RANBP2: variants seen among roughly 807,000 people sequenced by gnomAD.
RANBP2 encodes the protein RAN binding protein 2, also known as E3 SUMO-protein ligase RanBP2.
In RANBP2, 57 loss-of-function variants were observed where a neutral mutation model predicts 303.6. The ratio of observed to expected loss-of-function variants is 0.19; its 90% CI spans 0.15 to 0.23. The LOEUF (loss-of-function observed/expected upper bound fraction) is 0.23. Ranked by LOEUF, RANBP2 falls within the 10% of genes least tolerant of loss-of-function variation. The probability of loss-of-function intolerance (pLI) is 1.00; values close to 1 mark genes in which losing one functional copy is unlikely to be tolerated. For missense variants in RANBP2, 3,138 were observed against 3,780.8 expected (o/e 0.83, Z 4.46); for synonymous variants, 1,167 against 1,301.5 (o/e 0.90, Z 2.23).
At chr2:108,788,826 T>A (rs1349758076), downstream of RANBP2, 1 of 1,613,832 alleles carries the variant, frequency 6.2e-7, no homozygotes, top group Non-Finnish European at 8.5e-7. Flanking sequence ...TGTGGTAATC[T>A]TTCATGGTTT....
chr2:109,047,634 C>T, the RANBP2 span, among the ~76,000 whole-genome samples: 1 of 152,182 alleles, frequency 6.6e-6, no homozygotes, highest in Non-Finnish European at 1.5e-5. Flanking sequence ...CATGGTGAAA[C>T]CCCATCTCTA....
chr2:109,314,405 G>A, the RANBP2 span, among the ~76,000 whole-genome samples: 2 of 152,210 alleles, frequency 1.3e-5, no homozygotes, highest in Admixed American at 1.3e-4. Flanking sequence ...TTGTAACCCT[G>A]CCTTGGTATA....
chr2:108,725,684 T>A (rs1694641721), intron 1 of RANBP2, among the ~76,000 whole-genome samples: 1 of 151,686 alleles, frequency 6.6e-6, no homozygotes, highest in Admixed American at 6.6e-5. Flanking sequence ...TGAGCTGAGA[T>A]CGAGCCACTG....
At chr2:109,010,851 A>T in the RANBP2 span, among the ~76,000 whole-genome samples, 2 of 152,204 alleles carry the variant, frequency 1.3e-5, no homozygotes, top group Non-Finnish European at 2.9e-5. Flanking sequence ...GAATCTATGG[A>T]GGAGGCTCAG....
the RANBP2 span, among the ~76,000 whole-genome samples, chr2:109,154,804 C>T: frequency 6.6e-6 from 1 of 152,164 alleles, no homozygotes; most frequent in South Asian, 2.1e-4. Flanking sequence ...GTGACACCAA[C>T]CTGCTGCATA....
chr2:108,985,806 T>C, the RANBP2 span, among the ~76,000 whole-genome samples: 6 of 152,360 alleles, frequency 3.9e-5, no homozygotes, highest in South Asian at 1.2e-3. Flanking sequence ...CCCTTGTCCC[T>C]AACTGTGTCA....
the RANBP2 span, among the ~76,000 whole-genome samples, chr2:109,379,828 A>AC: frequency 1.3e-5 from 2 of 152,020 alleles, no homozygotes; most frequent in African/African-American, 4.8e-5. Context: ...AGAAGCGAGG[A>AC]CCAGAAGGCA....
intron 22 of RANBP2, 136 bp from the exon 23 acceptor site, chr2:108,772,732 C>A (rs1430218613): frequency 9.9e-6 from 12 of 1,209,940 alleles, no homozygotes; most frequent in Middle Eastern, 2.7e-4. Flanking sequence ...ATATTCTTTT[C>A]TGGGTGGTCC....
the RANBP2 span, among the ~76,000 whole-genome samples, chr2:109,138,131 T>G: frequency 6.6e-6 from 1 of 152,228 alleles, no homozygotes; most frequent in African/African-American, 2.4e-5. Flanking sequence ...TTCTTCTGCC[T>G]CAGCCTCCCA....
At chr2:109,467,841 A>G in the RANBP2 span, among the ~76,000 whole-genome samples, 1 of 152,184 alleles carries the variant, frequency 6.6e-6, no homozygotes, top group Non-Finnish European at 1.5e-5. Flanking sequence ...GAACAGAGCC[A>G]GGCTGAGCAC....
At chr2:109,604,654 G>A in the RANBP2 span, among the ~76,000 whole-genome samples, 1 of 151,208 alleles carries the variant, frequency 6.6e-6, no homozygotes, top group Non-Finnish European at 1.5e-5. Context: ...ATGAACCGGG[G>A]AGGCGGAGCT....
At chr2:109,552,891 A>G in the RANBP2 span, 3 of 616,116 alleles carry the variant, frequency 4.9e-6, no homozygotes, top group Non-Finnish European at 8.0e-6. Flanking sequence ...GCTTTAAAAA[A>G]AAAGAAGGCC....
At chr2:109,400,640 G>A in the RANBP2 span, among the ~76,000 whole-genome samples, 1 of 151,834 alleles carries the variant, frequency 6.6e-6, no homozygotes, top group Non-Finnish European at 1.5e-5. Flanking sequence ...ACATACACCC[G>A]TGCACACATG....
the RANBP2 span, among the ~76,000 whole-genome samples, chr2:109,087,964 G>A: frequency 1.2e-4 from 18 of 152,298 alleles, 1 homozygote; most frequent in South Asian, 3.3e-3. Context: ...GTCTAATGCC[G>A]TTAAAATTTA....
chr2:108,719,701 G>A (rs746386795), intron 1 of RANBP2, 23 bp downstream of exon 1: 2 of 1,581,246 alleles, frequency 1.3e-6, no homozygotes, highest in Admixed American at 1.8e-5. Flanking sequence ...CGAAGAGACC[G>A]ACGGCCTCGA....
chr2:109,347,773 C>T, the RANBP2 span: 20 of 1,613,856 alleles, frequency 1.2e-5, no homozygotes, highest in East Asian at 6.7e-5. Context: ...CGTCCTGCGG[C>T]GCAAGGTGGA....
the RANBP2 span, among the ~76,000 whole-genome samples, chr2:109,565,368 T>C: frequency 6.6e-6 from 1 of 152,326 alleles, no homozygotes; most frequent in Admixed American, 6.5e-5. Context: ...ACTTTTTAAG[T>C]TGGCTGACTG....
chr2:109,243,019 G>A, the RANBP2 span, among the ~76,000 whole-genome samples: 11 of 152,224 alleles, frequency 7.2e-5, no homozygotes, highest in Non-Finnish European at 1.6e-4. Flanking sequence ...AGACTATTAA[G>A]GAAATTGAAT....
the RANBP2 span, among the ~76,000 whole-genome samples, chr2:109,725,026 G>A: frequency 6.6e-6 from 1 of 152,320 alleles, no homozygotes; most frequent in South Asian, 2.1e-4. Flanking sequence ...GCACCTTGGT[G>A]GCAGTGCTTA....
Sources: allele counts gnomAD v4.1 joint callset (sites outside exome capture counted in the v4.1 genomes callset), GRCh38; gene constraint gnomAD v4.1.1; transcripts MANE v1.5; gene names NCBI Gene and HGNC (gene_info 2026-07-23, HGNC 2026-07-21).